The following MUC13 variants were observed in gnomAD, a reference collection of about 807,000 sequenced individuals.
The protein encoded by MUC13 is mucin-13.
MUC13 carries 32 observed loss-of-function variants against 48.3 expected under a neutral mutation model. That is an observed-to-expected ratio of 0.66 (90% confidence interval 0.50 to 0.89). The LOEUF (loss-of-function observed/expected upper bound fraction) is 0.89. Among genes scored for constraint, MUC13 ranks in the 40% least tolerant of loss-of-function variants. MUC13 has a pLI of 0.00. For synonymous variants in MUC13, 199 were observed against 224.9 expected, an observed-to-expected ratio of 0.88 and a Z score of 1.03; for missense variants, 571 against 622.8, an observed-to-expected ratio of 0.92 and a Z score of 0.88.
intron 10 of MUC13, among the ~76,000 whole-genome samples, chr3:124,909,187 T>C (rs1430832546): frequency 6.6e-6 from 1 of 151,608 alleles, no homozygotes; most frequent in Non-Finnish European, 1.5e-5. Context: ...GAACAAAATA[T>C]TGTAGGAACC....
intron 6 of MUC13, 57 bp downstream of exon 6, chr3:124,916,260 A>G: frequency 1.5e-6 from 2 of 1,349,080 alleles, no homozygotes; most frequent in East Asian, 2.3e-5. Flanking sequence ...GAAAAGGTTT[A>G]CAAAAAAGGT....
intron 2 of MUC13, 76 bp downstream of exon 2, chr3:124,927,456 C>T: frequency 7.0e-7 from 1 of 1,435,536 alleles, no homozygotes; most frequent in South Asian, 1.3e-5. Flanking sequence ...TCCTACCCCA[C>T]CAGAACATAC....
intron 1 of MUC13, among the ~76,000 whole-genome samples, chr3:124,933,836 A>G (rs780965015): frequency 1.3e-5 from 2 of 152,142 alleles, no homozygotes; most frequent in Non-Finnish European, 2.9e-5. Context: ...TAGGAAGCCA[A>G]TTGGCCTCCA....
intron 2 of MUC13, among the ~76,000 whole-genome samples, chr3:124,924,155 C>G (rs558465981): frequency 6.6e-6 from 1 of 152,268 alleles, no homozygotes; most frequent in South Asian, 2.1e-4. Context: ...GCCATAAAAA[C>G]AGGAATGGGA....
At chr3:124,928,398 G>A (rs1909578) in intron 1 of MUC13, among the ~76,000 whole-genome samples, 150,838 of 152,316 alleles carry the variant, frequency 0.99, 74,698 homozygotes, top group Middle Eastern at 1. Flanking sequence ...TTTATTTTAG[G>A]AATAAGGTCT....
At chr3:124,924,477 T>C (rs929315075) in intron 2 of MUC13, among the ~76,000 whole-genome samples, 1 of 152,204 alleles carries the variant, frequency 6.6e-6, no homozygotes, top group Non-Finnish European at 1.5e-5. Context: ...ATGTGTTTGA[T>C]AACCTTCAGA....
In MUC13 at chr3:124,930,547, C is replaced by A. The variant is rs957580111; in HGVS notation, c.53-2554G>T. On this transcript the variant is annotated intron_variant, in intron 1 of 11. Transcript: ENST00000616727. Reference sequence around the variant, plus strand: ...AGATAACAGAAATATATGAAGACATCTGTGCAGTAGAAATAACTTTAGTCT... The same window carrying A: ...AGATAACAGAAATATATGAAGACATATGTGCAGTAGAAATAACTTTAGTCT... Among the ~76,000 whole-genome samples the A allele has an allele frequency of 4.6e-5, 7 of 152,306 alleles. No homozygotes were observed. In the Middle Eastern group the frequency reaches 0.01, roughly 222 times the overall value.
intron 4 of MUC13, 138 bp from the exon 5 acceptor site, chr3:124,920,427 A>T: frequency 1.5e-6 from 1 of 670,588 alleles, no homozygotes; most frequent in Admixed American, 2.8e-5. Context: ...GGACCCTGGG[A>T]GACTTCTTAG....
chr3:124,916,641 G>C (rs749720834), intron 5 of MUC13, among the ~76,000 whole-genome samples, 161 bp from the exon 6 acceptor site: 2 of 152,184 alleles, frequency 1.3e-5, no homozygotes, highest in Non-Finnish European at 2.9e-5. Context: ...CAAAAAGATG[G>C]CAATGTACAG....
chr3:124,913,603 G>C lies in MUC13; in HGVS notation c.1043C>G (p.Ser348Cys), dbSNP rs1449029592. The C allele has an allele frequency of 6.2e-7, 1 of 1,614,242 alleles. No homozygotes were observed. The highest frequency in any genetic ancestry group is 1.3e-5 in the African/African-American group (1 of 75,074). The change falls in exon 7 of 12, where the codon TCT becomes TGT. Residue 348 changes from serine (S) to cysteine (C), a missense_variant. Coordinates refer to ENST00000616727, the MANE Select transcript of MUC13 (RefSeq NM_033049.4). ...CTGTGGGTTAGGCCTTTGCAGGTCA[G>C]ATTTGCAATCGCATGCTAAACCATT... Reference protein sequence around the residue: ...CLNGLACDCKSDLQRPNPQSP... With the variant: ...CLNGLACDCKCDLQRPNPQSP...
At chr3:124,917,801 A>G (rs1935533801) in intron 5 of MUC13, among the ~76,000 whole-genome samples, 1 of 152,154 alleles carries the variant, frequency 6.6e-6, no homozygotes, top group African/African-American at 2.4e-5. Context: ...GTAATAGGGC[A>G]GTGAGAAAGG....
At chr3:124,918,856 C>T (rs974991937) in intron 5 of MUC13, among the ~76,000 whole-genome samples, 2 of 152,206 alleles carry the variant, frequency 1.3e-5, no homozygotes, top group African/African-American at 4.8e-5. Flanking sequence ...GCTTCAGAGC[C>T]ACTGTGTTTG....
intron 3 of MUC13, among the ~76,000 whole-genome samples, chr3:124,922,831 T>C (rs796117718): frequency 9.9e-5 from 15 of 152,098 alleles, no homozygotes; most frequent in African/African-American, 3.4e-4. Flanking sequence ...CCTTCCTTGA[T>C]GTAATCATTT....
intron 10 of MUC13, 42 bp from the exon 11 acceptor site, chr3:124,908,390 A>T (rs1372925290): frequency 1.4e-6 from 2 of 1,426,190 alleles, no homozygotes; most frequent in Non-Finnish European, 2.0e-6. Flanking sequence ...AATGGCAGAA[A>T]GTTTCTTGAA....
At chr3:124,922,739 G>A (rs373056748) in intron 3 of MUC13, among the ~76,000 whole-genome samples, 1 of 278 alleles carries the variant, frequency 3.6e-3, no homozygotes, top group African/African-American at 0.017. Flanking sequence ...CAAAGTGCTG[G>A]GATTACAGGT....
At chr3:124,915,071 G>A (rs1935487978) in intron 6 of MUC13, among the ~76,000 whole-genome samples, 1 of 152,180 alleles carries the variant, frequency 6.6e-6, no homozygotes, top group Non-Finnish European at 1.5e-5. Flanking sequence ...AGAAGGGAAG[G>A]ATACTAGTGT....
At chr3:124,923,745 C>T (rs1301460589) in intron 2 of MUC13, 96 bp from the exon 3 acceptor site, 3 of 1,209,774 alleles carry the variant, frequency 2.5e-6, no homozygotes, top group Middle Eastern at 2.0e-4. Context: ...CCCCCTGGGC[C>T]CTTTCCATTC....
chr3:124,907,250 T>G (rs1260848502), intron 11 of MUC13, among the ~76,000 whole-genome samples: 1 of 152,170 alleles, frequency 6.6e-6, no homozygotes, highest in Non-Finnish European at 1.5e-5. Flanking sequence ...CAAGCAATTC[T>G]CCTGCTTCAG....
chr3:124,909,508 G>A (rs1188813203), intron 10 of MUC13, among the ~76,000 whole-genome samples: 2 of 151,414 alleles, frequency 1.3e-5, no homozygotes, highest in African/African-American at 2.4e-5. Context: ...GTGTGTGTGT[G>A]TGTGTGTGTA....
Sources: gnomAD v4.1 joint callset for allele counts (sites outside exome capture counted in the v4.1 genomes callset) on GRCh38, gnomAD v4.1.1 for gene constraint, MANE v1.5 for transcripts, NCBI Gene and HGNC (gene_info 2026-07-23, HGNC 2026-07-21) for gene names.